SEMA3A: variants seen among roughly 807,000 people sequenced by gnomAD.
SEMA3A encodes the protein semaphorin 3A.
A neutral mutation model predicts 97.9 loss-of-function variants in SEMA3A; 29 were observed. The ratio of observed to expected loss-of-function variants is 0.30; its 90% CI spans 0.22 to 0.40. The LOEUF is 0.40. Among genes scored for constraint, SEMA3A ranks in the 10% least tolerant of loss-of-function variants. SEMA3A has a pLI of 1.00. For synonymous variants in SEMA3A, 321 were observed against 323.7 expected, an observed-to-expected ratio of 0.99 and a Z score of 0.09; for missense variants, 763 against 951.3, an observed-to-expected ratio of 0.80 and a Z score of 2.60.
At chr7:84,183,631 A>T (rs2116243871) in intron 1 of SEMA3A, among the ~76,000 whole-genome samples, 1 of 152,256 alleles carries the variant, frequency 6.6e-6, no homozygotes, top group South Asian at 2.1e-4. Flanking sequence ...ATGACCTATC[A>T]TTCAATAATA....
chr7:84,284,570 T>A (rs963708686), intron 3 of SEMA3A, among the ~76,000 whole-genome samples: 14 of 152,150 alleles, frequency 9.2e-5, no homozygotes, highest in African/African-American at 3.1e-4. Context: ...CTCCTAGAAC[T>A]CATCAAAATG....
intron 2 of SEMA3A, among the ~76,000 whole-genome samples, chr7:84,318,802 C>T (rs1301113902): frequency 6.6e-6 from 1 of 152,096 alleles, no homozygotes; most frequent in Non-Finnish European, 1.5e-5. Context: ...TAGGTATCAT[C>T]TTGGGAATGC....
At chr7:84,283,118 T>TTG (rs150526169) in intron 3 of SEMA3A, among the ~76,000 whole-genome samples, 7 of 151,958 alleles carry the variant, frequency 4.6e-5, no homozygotes, top group East Asian at 1.9e-4. Flanking sequence ...TCTTTAAGAA[T>TTG]TGTGTGTGTG....
chr7:84,305,895 A>C (rs1053132008), intron 3 of SEMA3A, among the ~76,000 whole-genome samples: 4 of 151,774 alleles, frequency 2.6e-5, no homozygotes, highest in Non-Finnish European at 5.9e-5. Context: ...CCAAATAATG[A>C]ATATATACAC....
In SEMA3A at chr7:83,956,914, CCTT is replaced by C. The variant is rs1476647933; in HGVS notation, c.*4454_*4456del. The C allele has an allele frequency of 1.3e-5, 2 of 151,954 alleles. No individual in the cohort carries two copies. Among genetic ancestry groups the C allele is most frequent in the African/African-American group, 4.8e-5 (2 of 41,374 alleles). The allele number at this position is 151,954 out of a possible 1,614,324, so 9.4% of individuals were successfully genotyped here. A position where few individuals can be genotyped will look rare whatever the true frequency, so the allele number is the denominator to read the frequency against. On this transcript the variant is annotated 3_prime_UTR_variant, in exon 17 of 17. Transcript: ENST00000265362. ...GATCTCTCTCCACAAGTTAATTCCTCCTTTTTTTTTTCTTTGATCCATACCGCT... is the reference window on the plus strand; with the variant it reads ...GATCTCTCTCCACAAGTTAATTCCTCTTTTTTTTCTTTGATCCATACCGCT...
chr7:84,024,316 G>C (rs1211497122), intron 6 of SEMA3A, among the ~76,000 whole-genome samples: 2 of 152,138 alleles, frequency 1.3e-5, no homozygotes, highest in Admixed American at 1.3e-4. Flanking sequence ...CAAGGCGGGT[G>C]AATCACTTGA....
rs988195411 is a variant in SEMA3A at position 84,134,893 on chromosome 7, A to G, written c.171T>C (p.Tyr57=). The G allele has an allele frequency of 2.5e-6, 4 of 1,613,878 alleles. No homozygotes were observed. Among genetic ancestry groups the G allele is most frequent in the Non-Finnish European group, 3.4e-6 (4 of 1,179,928 alleles). The change falls in exon 2 of 17, where the codon TAT becomes TAC. Residue 57 remains tyrosine, a synonymous_variant. Transcript: ENST00000265362. The part of the protein sequence containing the change: ...TFNGLANSSS[Y]HTFLLDEERS... ...GTTCCTCATCCAAAAGGAAGGTATG[A>G]TAACTGGAGCTGTTGGCCAAGCCAT...
intron 1 of SEMA3A, among the ~76,000 whole-genome samples, chr7:84,448,914 C>A (rs970804780): frequency 6.6e-6 from 1 of 151,998 alleles, no homozygotes. Flanking sequence ...TACAAAACTA[C>A]AATAACCACA....
At chr7:84,134,216 A>C (rs1425117259) in intron 2 of SEMA3A, among the ~76,000 whole-genome samples, 3 of 152,188 alleles carry the variant, frequency 2.0e-5, no homozygotes, top group African/African-American at 7.2e-5. Context: ...GGGTTTGGCA[A>C]ATTTTTTGTT....
chr7:84,031,033 G>A lies in SEMA3A; in HGVS notation c.667+15291C>T, dbSNP rs577343140. ...TTTTGAGACGGAGTCTTGCTCTGTC[G>A]CCAGGCTGGAGTGCAGTGGTGCCAT... is the stretch of plus-strand genomic sequence containing the variant. On this transcript the variant is annotated intron_variant, in intron 6 of 16. Coordinates refer to ENST00000265362, the MANE Select transcript of SEMA3A (RefSeq NM_006080.3). 2.1e-4 allele frequency among the ~76,000 whole-genome samples: 27 copies of A among 128,876 alleles called. No homozygotes were observed. In the Middle Eastern group the frequency reaches 0.014, roughly 68 times the overall value. The allele number at this position is 128,876 out of a possible 152,430, so 84.5% of individuals were successfully genotyped here.
intron 2 of SEMA3A, among the ~76,000 whole-genome samples, chr7:84,324,720 A>G (rs1469332484): frequency 2.0e-5 from 3 of 152,164 alleles, no homozygotes; most frequent in Admixed American, 2.0e-4. Flanking sequence ...GGTCTTAAAA[A>G]TCATTTTCTA....
rs1307357607 is a variant in SEMA3A, at chr7:83,961,458, G to A, written c.2229C>T (p.Asn743=). Residue 743 remains asparagine, a synonymous_variant, in exon 17 of 17, where the codon AAC becomes AAT. Coordinates refer to ENST00000265362, the MANE Select transcript of SEMA3A (RefSeq NM_006080.3). Reference sequence around the variant, plus strand: ...CTTGTAAGTGCTTCCATTTGTTACTGTTCCCTGGGGTATGTCCTGGCCTTT... The same window carrying A: ...CTTGTAAGTGCTTCCATTTGTTACTATTCCCTGGGGTATGTCCTGGCCTTT... ...RRQRPGHTPG[N]SNKWKHLQEN... 6.2e-7 allele frequency: 1 copy of A among 1,613,956 alleles called. No homozygotes were observed.
intron 1 of SEMA3A, among the ~76,000 whole-genome samples, chr7:84,398,922 C>T (rs552097068): frequency 4.6e-5 from 7 of 152,294 alleles, no homozygotes; most frequent in Admixed American, 2.0e-4. Context: ...GCAGAAACAT[C>T]AACTTGAACA....
At chr7:84,050,179 G>C (rs1792553908) in intron 5 of SEMA3A, among the ~76,000 whole-genome samples, 1 of 151,998 alleles carries the variant, frequency 6.6e-6, no homozygotes, top group Non-Finnish European at 1.5e-5. Flanking sequence ...AAACATACGT[G>C]TGCATGTGTC....
chr7:84,485,078 G>A (rs1017293816), intron 1 of SEMA3A, among the ~76,000 whole-genome samples: 1 of 152,070 alleles, frequency 6.6e-6, no homozygotes, highest in African/African-American at 2.4e-5. Context: ...ACCTTTATTT[G>A]TTAATATAGA....
chr7:84,055,959 C>T (rs890708330), intron 5 of SEMA3A, among the ~76,000 whole-genome samples: 1 of 152,116 alleles, frequency 6.6e-6, no homozygotes, highest in Non-Finnish European at 1.5e-5. Flanking sequence ...AATCATATAT[C>T]TAGAAATTAT....
chr7:84,245,943 G>C lies in SEMA3A; in HGVS notation c.-82-51275C>G, dbSNP rs185566326. On this transcript the variant is annotated intron_variant, in intron 3 of 3. Transcript: ENST00000424555. ...GGCAGGAATGTTTAAGTCAGCTACA[G>C]CTGTGCCCATAGCCGCCCCTTTCCC... 3.0e-4 allele frequency among the ~76,000 whole-genome samples: 46 copies of C among 152,326 alleles called. No individual in the cohort carries two copies. The East Asian group carries it at 6.4e-3, about 21-fold the overall frequency.
chr7:84,219,761 T>G (rs1211518029), intron 3 of SEMA3A, among the ~76,000 whole-genome samples: 1 of 152,212 alleles, frequency 6.6e-6, no homozygotes, highest in Non-Finnish European at 1.5e-5. Context: ...ATCTTCTGGA[T>G]GACTTGTTGC....
chr7:84,458,382 T>A (rs148530998), intron 1 of SEMA3A, among the ~76,000 whole-genome samples: 12 of 152,044 alleles, frequency 7.9e-5, no homozygotes, highest in Admixed American at 6.6e-4. Context: ...TTATTCAACA[T>A]ATTATTGCCA....
Sources: allele counts gnomAD v4.1 joint callset (sites outside exome capture counted in the v4.1 genomes callset), GRCh38; gene constraint gnomAD v4.1.1; transcripts MANE v1.5; gene names NCBI Gene and HGNC (gene_info 2026-07-23, HGNC 2026-07-21).